The following FLNB variants were observed in gnomAD, a reference collection of about 807,000 sequenced individuals.
FLNB encodes the protein filamin-B.
FLNB carries 111 observed loss-of-function variants against 250.6 expected under a neutral mutation model. That is an observed-to-expected ratio of 0.44 (90% confidence interval 0.38 to 0.52). The LOEUF (loss-of-function observed/expected upper bound fraction) is 0.52. Among genes scored for constraint, FLNB ranks in the 20% least tolerant of loss-of-function variants. The pLI is 0.00. For synonymous variants in FLNB, 1,302 were observed against 1,372.1 expected (o/e 0.95, Z 1.13); for missense variants, 2,869 against 3,447.8 (o/e 0.83, Z 4.20).
At chr3:58,116,043 A>G (rs1159970729) in intron 18 of FLNB, among the ~76,000 whole-genome samples, 1 of 151,974 alleles carries the variant, frequency 6.6e-6, no homozygotes, top group East Asian at 1.9e-4. Context: ...TGTGTGGATT[A>G]ATGGCTGTGA....
In FLNB at chr3:58,113,999, A is replaced by G. The variant is rs151228150; in HGVS notation, c.2745+1681A>G. 2.5e-3 allele frequency among the ~76,000 whole-genome samples: 382 copies of G among 152,004 alleles called. 2 individuals carry two copies. The highest frequency in any genetic ancestry group is 0.017 in the Middle Eastern group (5 of 294). ...TGACCTCAGTATTTGTCTTTTTGTGACTGATTTATTTTTCTTCCTATATGT... is the reference window on the plus strand; with the variant it reads ...TGACCTCAGTATTTGTCTTTTTGTGGCTGATTTATTTTTCTTCCTATATGT... On this transcript the variant is annotated intron_variant, in intron 18 of 45. Transcript: ENST00000295956.
At chr3:58,030,098 ATCAGGTTTCAGCTTTGTTAGAACATGC>A (rs2097128865) in intron 1 of FLNB, among the ~76,000 whole-genome samples, 1 of 152,220 alleles carries the variant, frequency 6.6e-6, no homozygotes, top group Non-Finnish European at 1.5e-5. Context: ...CAAAGGAGAT[ATCAGGTTTCAGCTTTGTTAGAACATGC>A]TAATGGCACC....
Position 58,123,544 on chromosome 3 carries a change from C to T in FLNB, c.3578C>T (p.Thr1193Ile). Residue 1193 changes from threonine (T) to isoleucine (I), a missense_variant, in exon 21 of 46, where the codon ACC (threonine) becomes ATC (isoleucine). Transcript: ENST00000295956. ...AACAAAGATGGCACCTACGCGGTGA[C>T]CTACGTGCCCCTGACGGCCGGCATG... ...QNNKDGTYAV[T>I]YVPLTAGMYT... 6.2e-7 allele frequency: 1 copy of T among 1,607,354 alleles called. No individual in the cohort carries two copies. Among genetic ancestry groups the T allele is most frequent in the Non-Finnish European group, 8.5e-7 (1 of 1,177,200 alleles).
rs2097381406 is a variant in FLNB, at chr3:58,170,784, A to G, written c.*22A>G. 1 of 1,609,660 alleles carries G rather than the reference A, an allele frequency of 6.2e-7. No individual in the cohort carries two copies. On this transcript the variant is annotated 3_prime_UTR_variant, in exon 46 of 46. Transcript: ENST00000295956. Reference sequence around the variant, plus strand: ...TTAAAACAGTTTTCTCAAATCCTGGAGAGAGTTCTTGTGGTTGCTTTTGTT... The same window carrying G: ...TTAAAACAGTTTTCTCAAATCCTGGGGAGAGTTCTTGTGGTTGCTTTTGTT...
At chr3:58,041,638 G>C (rs1251885204) in intron 1 of FLNB, among the ~76,000 whole-genome samples, 2 of 152,182 alleles carry the variant, frequency 1.3e-5, no homozygotes, top group Admixed American at 1.3e-4. Context: ...GCAGTCACTG[G>C]GCCGGGAAGA....
chr3:58,033,544 A>G (rs530027672), intron 1 of FLNB, among the ~76,000 whole-genome samples: 20 of 152,206 alleles, frequency 1.3e-4, no homozygotes, highest in African/African-American at 4.6e-4. Flanking sequence ...GGCACATGCT[A>G]TCATGCCTAG....
rs566605198 is a variant in FLNB, at chr3:58,015,758, G to A, written c.292+6902G>A. ...CTTCAGATCCTGCTGTCTGTGCACC[G>A]TGCTGTAAGTAGCAAGGATCTAGGT... On this transcript the variant is annotated intron_variant, in intron 1 of 45. Transcript: ENST00000295956. 9.9e-5 allele frequency among the ~76,000 whole-genome samples: 15 copies of A among 152,268 alleles called. No individual in the cohort carries two copies. In the East Asian group the frequency reaches 1.9e-3, roughly 20 times the overall value.
intron 1 of FLNB, among the ~76,000 whole-genome samples, chr3:58,068,039 C>T (rs1266443515): frequency 6.6e-6 from 1 of 152,256 alleles, no homozygotes; most frequent in African/African-American, 2.4e-5. Context: ...GGTGACTGCG[C>T]TGTCTGGGCT....
chr3:58,099,851 C>T (rs1246922596), intron 8 of FLNB, among the ~76,000 whole-genome samples: 2 of 152,182 alleles, frequency 1.3e-5, no homozygotes, highest in African/African-American at 4.8e-5. Context: ...ATTATTACAG[C>T]CTGTCCAGCC....
chr3:58,129,790 G>A (rs2097303659), intron 24 of FLNB, among the ~76,000 whole-genome samples: 1 of 152,236 alleles, frequency 6.6e-6, no homozygotes, highest in Admixed American at 6.5e-5. Flanking sequence ...ATGCGAGGCA[G>A]AGGTGCACGT....
intron 27 of FLNB, among the ~76,000 whole-genome samples, chr3:58,135,137 G>A (rs943306429): frequency 5.9e-5 from 9 of 152,184 alleles, no homozygotes; most frequent in Non-Finnish European, 1.2e-4. Flanking sequence ...TTGCAGACAT[G>A]AGACACTGTG....
intron 38 of FLNB, among the ~76,000 whole-genome samples, chr3:58,153,135 A>T (rs1029798792): frequency 6.6e-6 from 1 of 152,196 alleles, no homozygotes; most frequent in East Asian, 1.9e-4. Flanking sequence ...ATGATGGATG[A>T]CCACGTCACC....
chr3:58,079,399 C>T (rs745666171), intron 3 of FLNB, among the ~76,000 whole-genome samples: 18 of 151,814 alleles, frequency 1.2e-4, no homozygotes, highest in Non-Finnish European at 7.4e-5. Context: ...ATTATAGGTG[C>T]GCACCACCAC....
At chr3:58,121,531 T>G in intron 20 of FLNB, 28 bp downstream of exon 20, 1 of 1,612,886 alleles carries the variant, frequency 6.2e-7, no homozygotes, top group Middle Eastern at 1.6e-4. Flanking sequence ...TCCCAGAACT[T>G]GTCTCATTGC....
chr3:58,071,468 AG>A (rs952114192), intron 1 of FLNB, among the ~76,000 whole-genome samples: 3 of 151,642 alleles, frequency 2.0e-5, no homozygotes, highest in Admixed American at 1.3e-4. Flanking sequence ...GAGTAGAGAC[AG>A]GGTTTCACCG....
chr3:58,171,064 G>C lies in FLNB; in HGVS notation c.*302G>C. ...AGCAGACAGACCAGGAACACAATGAGACTGACATTTCAAAAAAACAAAACT... is the reference window on the plus strand; with the variant it reads ...AGCAGACAGACCAGGAACACAATGACACTGACATTTCAAAAAAACAAAACT... On this transcript the variant is annotated 3_prime_UTR_variant, in exon 46 of 46. Transcript: ENST00000295956. This position sits in a 1 kb window ranked among gnomAD's most constrained non-coding sequence, Gnocchi z 5.5. 1 of 343,684 alleles carries C rather than the reference G, an allele frequency of 2.9e-6. No homozygotes were observed. The highest frequency in any genetic ancestry group is 5.4e-6 in the Non-Finnish European group (1 of 185,544). The allele number at this position is 343,684 out of a possible 1,614,324, so 21.3% of individuals were successfully genotyped here.
Position 58,141,932 on chromosome 3 carries a change from A to G in FLNB, c.5181+3A>G, listed in dbSNP as rs1195141301. The G allele has an allele frequency of 6.2e-7, 1 of 1,613,608 alleles. No homozygotes were observed. Among genetic ancestry groups the G allele is most frequent in the Non-Finnish European group, 8.5e-7 (1 of 1,179,668 alleles). ...GTCCCCCTGGATTCAGGCCCTGGGT[A>G]CAATTTTGGTTTTTTCCTTTTTGTG... On this transcript the variant is annotated splice_donor_region_variant and intron_variant, in intron 30 of 45. Transcript: ENST00000295956.
chr3:58,136,251 G>A (rs1294662362), intron 28 of FLNB, 83 bp downstream of exon 28: 9 of 1,405,014 alleles, frequency 6.4e-6, no homozygotes, highest in Non-Finnish European at 7.0e-6. Context: ...TGACTTACAA[G>A]CTACATGATC....
At chr3:58,128,611 A>G (rs192929662) in intron 24 of FLNB, among the ~76,000 whole-genome samples, 5 of 152,262 alleles carry the variant, frequency 3.3e-5, no homozygotes, top group Middle Eastern at 3.4e-3. Context: ...AGAGTTGGGC[A>G]CAGGAAACGG....
Sources: allele counts gnomAD v4.1 joint callset (sites outside exome capture counted in the v4.1 genomes callset), GRCh38; gene constraint gnomAD v4.1.1; non-coding constraint Gnocchi (gnomAD v3.1); transcripts MANE v1.5; gene names NCBI Gene and HGNC (gene_info 2026-07-23, HGNC 2026-07-21).